UNC13C: variants seen among roughly 807,000 people sequenced by gnomAD.
UNC13C encodes unc-13 homolog C.
Under a neutral mutation model 245.4 loss-of-function variants are expected in UNC13C, and 174 were observed. The observed-to-expected ratio is 0.71, with a 90% CI of 0.63 to 0.80. The LOEUF is 0.80. UNC13C is among the 30% of genes least tolerant of loss of function. The pLI is 0.00. For synonymous variants in UNC13C, 992 were observed against 895.1 expected (o/e 1.11, Z -1.93); for missense variants, 2,829 against 2,602.9 (o/e 1.09, Z -1.89).
intron 4 of UNC13C, among the ~76,000 whole-genome samples, chr15:54,166,159 T>G (rs1296618361): frequency 6.6e-6 from 1 of 152,010 alleles, no homozygotes; most frequent in Admixed American, 6.6e-5. Flanking sequence ...CAGATTTTTA[T>G]TTTACTAAAT....
chr15:53,980,366 A>G (rs1027066955), intron 1 of UNC13C, among the ~76,000 whole-genome samples: 1 of 152,298 alleles, frequency 6.6e-6, no homozygotes, highest in East Asian at 1.9e-4. Flanking sequence ...TATTAAGTTT[A>G]TGTTTGTTAG....
At chr15:54,203,144 C>T (rs1230582688) in intron 4 of UNC13C, among the ~76,000 whole-genome samples, 1 of 151,720 alleles carries the variant, frequency 6.6e-6, no homozygotes, top group Non-Finnish European at 1.5e-5. Context: ...CTCACTGCTG[C>T]AAGAATGGCC....
intron 4 of UNC13C, among the ~76,000 whole-genome samples, chr15:54,186,146 C>A (rs1381770240): frequency 6.6e-6 from 1 of 151,938 alleles, no homozygotes; most frequent in Non-Finnish European, 1.5e-5. Context: ...GCTGAAGTTG[C>A]TTATCAGCTT....
At chr15:54,333,592 T>C (rs2038497225) in intron 15 of UNC13C, among the ~76,000 whole-genome samples, 175 bp from the exon 16 acceptor site, 1 of 152,048 alleles carries the variant, frequency 6.6e-6, no homozygotes, top group Non-Finnish European at 1.5e-5. Context: ...TATTTCCAAA[T>C]TGTTTACGTT....
At chr15:54,025,185 TG>T (rs1382078991) in intron 2 of UNC13C, among the ~76,000 whole-genome samples, 2 of 152,222 alleles carry the variant, frequency 1.3e-5, no homozygotes, top group African/African-American at 4.8e-5. Context: ...GCATCTTCAC[TG>T]CCCTCAACAT....
chr15:54,228,115 C>G (rs2035445794), intron 4 of UNC13C, among the ~76,000 whole-genome samples: 1 of 152,168 alleles, frequency 6.6e-6, no homozygotes, highest in Non-Finnish European at 1.5e-5. Flanking sequence ...GAAGACGTGT[C>G]TCTCCCCATA....
chr15:54,617,128 T>G (rs1180496954), intron 30 of UNC13C, among the ~76,000 whole-genome samples: 1 of 152,044 alleles, frequency 6.6e-6, no homozygotes, highest in African/African-American at 2.4e-5. Context: ...ACCTAACACA[T>G]TTTTCAGAAT....
intron 4 of UNC13C, among the ~76,000 whole-genome samples, chr15:54,215,469 A>G (rs888705264): frequency 7.2e-5 from 11 of 151,986 alleles, no homozygotes; most frequent in African/African-American, 2.7e-4. Flanking sequence ...AAAGGTGAAT[A>G]ATGAGGTAGT....
chr15:54,139,664 G>T (rs1258769713), intron 2 of UNC13C, among the ~76,000 whole-genome samples: 2 of 151,796 alleles, frequency 1.3e-5, no homozygotes, highest in Admixed American at 1.3e-4. Flanking sequence ...CATTAATTTT[G>T]TACTCTTTAG....
chr15:54,132,419 G>T (rs2031488635), intron 2 of UNC13C, among the ~76,000 whole-genome samples: 2 of 152,088 alleles, frequency 1.3e-5, no homozygotes, highest in African/African-American at 4.8e-5. Flanking sequence ...GTGATCAAAG[G>T]TATGTGAGTT....
chr15:54,544,549 CA>C (rs1206945689), intron 26 of UNC13C, among the ~76,000 whole-genome samples: 2 of 152,200 alleles, frequency 1.3e-5, no homozygotes, highest in African/African-American at 4.8e-5. Context: ...TGGAAAACCC[CA>C]TCGCCTCAGC....
At chr15:54,541,556 A>T (rs1424527335) in intron 26 of UNC13C, among the ~76,000 whole-genome samples, 1 of 152,158 alleles carries the variant, frequency 6.6e-6, no homozygotes, top group East Asian at 1.9e-4. Flanking sequence ...GCATAAGCAC[A>T]TTCATCAGAG....
the UNC13C span, among the ~76,000 whole-genome samples, chr15:53,924,204 C>A: frequency 6.7e-6 from 1 of 149,428 alleles, no homozygotes; most frequent in Non-Finnish European, 1.5e-5. Flanking sequence ...GAGACTTTAT[C>A]TCAAAAAAAC....
chr15:54,555,370 T>C, intron 28 of UNC13C, 62 bp from the exon 29 acceptor site: 1 of 1,380,322 alleles, frequency 7.2e-7, no homozygotes, highest in South Asian at 1.2e-5. Flanking sequence ...GATTATGTTT[T>C]CAAGTAGTTG....
intron 30 of UNC13C, 38 bp from the exon 31 acceptor site, chr15:54,622,289 C>G (rs994398989): frequency 2.9e-6 from 4 of 1,398,752 alleles, no homozygotes; most frequent in Non-Finnish European, 4.1e-6. Flanking sequence ...ATTAATGAGT[C>G]TGAAAGCTCA....
At chr15:54,088,430 C>T (rs529164900) in intron 2 of UNC13C, among the ~76,000 whole-genome samples, 26 of 152,224 alleles carry the variant, frequency 1.7e-4, no homozygotes, top group African/African-American at 6.0e-4. Flanking sequence ...TAATCCACAT[C>T]GGTGACAATG....
chr15:54,569,308 T>C (rs985742830), intron 30 of UNC13C, among the ~76,000 whole-genome samples: 1 of 152,086 alleles, frequency 6.6e-6, no homozygotes, highest in Admixed American at 6.6e-5. Flanking sequence ...TTATGGATGC[T>C]CAAGTCCCGG....
rs753474485 is a variant in UNC13C, at chr15:54,237,705, T to C, written c.3228+15T>C. On this transcript the variant is annotated intron_variant, in intron 7 of 32. Coordinates refer to ENST00000260323, the MANE Select transcript of UNC13C (RefSeq NM_001080534.3). ...ATGAGGAACTGGTAAGTACTAGATATTGCTCATAATATCTAACTAGATATT... is the reference window on the plus strand; with the variant it reads ...ATGAGGAACTGGTAAGTACTAGATACTGCTCATAATATCTAACTAGATATT... 6 of 1,582,478 alleles carry C rather than the reference T, an allele frequency of 3.8e-6. No individual in the cohort carries two copies. The Admixed American group carries it at 1.0e-4, about 27-fold the overall frequency.
chr15:54,347,386 T>C (rs764100456), intron 17 of UNC13C, among the ~76,000 whole-genome samples: 4 of 152,222 alleles, frequency 2.6e-5, no homozygotes, highest in Admixed American at 2.0e-4. Context: ...CCTTTCTGCC[T>C]AAGATTCTGC....
Sources: gnomAD v4.1 joint callset for allele counts (sites outside exome capture counted in the v4.1 genomes callset) on GRCh38, gnomAD v4.1.1 for gene constraint, MANE v1.5 for transcripts, NCBI Gene and HGNC (gene_info 2026-07-23, HGNC 2026-07-21) for gene names.